Variants in CDH3 observed in about 807,000 individuals in gnomAD.
CDH3 encodes cadherin 3.
In CDH3, 54 loss-of-function variants were observed where a neutral mutation model predicts 82.0. That is an observed-to-expected ratio of 0.66 (90% confidence interval 0.53 to 0.83). The LOEUF is 0.83. Among genes scored for constraint, CDH3 ranks in the 40% least tolerant of loss-of-function variants. CDH3 has a pLI of 0.00. For synonymous variants in CDH3, 446 were observed against 437.9 expected (o/e 1.02, Z -0.23); for missense variants, 1,054 against 1,084.6 (o/e 0.97, Z 0.40).
intron 13 of CDH3, among the ~76,000 whole-genome samples, chr16:68,692,487 G>C (rs1432967810): frequency 2.6e-5 from 4 of 152,200 alleles, no homozygotes; most frequent in African/African-American, 9.7e-5. Flanking sequence ...CAGTGGTTCT[G>C]AAAGGGTGGT....
intron 2 of CDH3, among the ~76,000 whole-genome samples, chr16:68,656,167 A>G (rs1960404997): frequency 1.3e-5 from 2 of 152,122 alleles, no homozygotes. Context: ...CTCACCCCAT[A>G]ACAGAGGCAG....
chr16:68,703,794 A>G (rs1961925284), downstream of CDH3, among the ~76,000 whole-genome samples: 1 of 151,870 alleles, frequency 6.6e-6, no homozygotes, highest in African/African-American at 2.4e-5. Flanking sequence ...TAAAAATTTA[A>G]AAATTAGCTG....
At chr16:68,672,401 ATGGAG>A (rs1960911064) in intron 2 of CDH3, among the ~76,000 whole-genome samples, 1 of 152,168 alleles carries the variant, frequency 6.6e-6, no homozygotes, top group African/African-American at 2.4e-5. Context: ...TAAATAACCT[ATGGAG>A]TAAGTGCCCC....
At chr16:68,728,735 G>A (rs927304857), downstream of CDH3, among the ~76,000 whole-genome samples, 7 of 152,202 alleles carry the variant, frequency 4.6e-5, no homozygotes, top group Admixed American at 2.0e-4. Context: ...ATCATCCACA[G>A]TGCTAAAACC....
intron 13 of CDH3, among the ~76,000 whole-genome samples, chr16:68,692,920 TGTG>T (rs1213774397): frequency 1.3e-5 from 2 of 152,102 alleles, no homozygotes; most frequent in African/African-American, 4.8e-5. Flanking sequence ...CCCTGGCCAA[TGTG>T]GTGAAATCCT....
downstream of CDH3, among the ~76,000 whole-genome samples, chr16:68,702,057 A>G (rs1357854112): frequency 6.6e-6 from 1 of 151,264 alleles, no homozygotes; most frequent in Non-Finnish European, 1.5e-5. Context: ...ATATCTATAG[A>G]TAGGTATATT....
chr16:68,685,912 T>C (rs1961398732), intron 11 of CDH3, among the ~76,000 whole-genome samples: 1 of 152,194 alleles, frequency 6.6e-6, no homozygotes, highest in Admixed American at 6.5e-5. Context: ...AGGCCTGTAA[T>C]GCTAGCACTT....
intron 3 of CDH3, 133 bp from the exon 4 acceptor site, chr16:68,678,001 A>G (rs1597806208): frequency 3.7e-6 from 3 of 819,132 alleles, no homozygotes; most frequent in Non-Finnish European, 4.2e-6. Flanking sequence ...GGCTCAAGTG[A>G]CCCTCCCAAA....
At chr16:68,694,821 T>A (rs1392175483) in intron 13 of CDH3, among the ~76,000 whole-genome samples, 1 of 152,026 alleles carries the variant, frequency 6.6e-6, no homozygotes, top group East Asian at 1.9e-4. Flanking sequence ...TTCTTAAGGA[T>A]CAGTACCACC....
chr16:68,690,138 G>A (rs905026883), intron 12 of CDH3, among the ~76,000 whole-genome samples: 2 of 152,158 alleles, frequency 1.3e-5, no homozygotes, highest in African/African-American at 4.8e-5. Flanking sequence ...CCTGGCTTCT[G>A]CTCTGTGGTT....
At chr16:68,663,058 G>GT (rs1960636757) in intron 2 of CDH3, among the ~76,000 whole-genome samples, 1 of 150,486 alleles carries the variant, frequency 6.6e-6, no homozygotes, top group Non-Finnish European at 1.5e-5. Flanking sequence ...TACAGACGGA[G>GT]TTTCACCATG....
chr16:68,665,330 A>C (rs566450063), intron 2 of CDH3, among the ~76,000 whole-genome samples: 1 of 151,994 alleles, frequency 6.6e-6, no homozygotes, highest in African/African-American at 2.4e-5. Context: ...ATCACTTGAA[A>C]CTGGGAGGTT....
intron 2 of CDH3, among the ~76,000 whole-genome samples, chr16:68,664,185 G>C (rs1960676231): frequency 6.6e-6 from 1 of 152,022 alleles, no homozygotes; most frequent in South Asian, 2.1e-4. Context: ...TATTCCCTGG[G>C]GGAGAATGCT....
intron 1 of CDH3, among the ~76,000 whole-genome samples, chr16:68,712,696 T>TG (rs1244598205): frequency 6.6e-6 from 1 of 151,954 alleles, no homozygotes; most frequent in African/African-American, 2.4e-5. Context: ...TCCTTTTTTT[T>TG]TTTGAGATGG....
intron 1 of CDH3, among the ~76,000 whole-genome samples, chr16:68,709,718 T>C (rs1321392615): frequency 6.6e-6 from 1 of 152,210 alleles, no homozygotes; most frequent in African/African-American, 2.4e-5. Flanking sequence ...GTGCTGGGAT[T>C]ACAGGCGTGA....
intron 13 of CDH3, among the ~76,000 whole-genome samples, chr16:68,694,957 A>G (rs879513840): frequency 1.6e-4 from 24 of 152,098 alleles, no homozygotes; most frequent in Non-Finnish European, 2.2e-4. Flanking sequence ...CCAGGTGAGG[A>G]AGGAGCCTGT....
In CDH3 at chr16:68,676,346, T is replaced by G. The variant is rs1445259885; in HGVS notation, c.161-39T>G. On this transcript the variant is annotated intron_variant, in intron 2 of 15. Coordinates refer to ENST00000264012, the MANE Select transcript of CDH3 (RefSeq NM_001793.6). ...TTTCCTGGGGCAACTTCCAGAATAC[T>G]CCTGCCTTCCTAATGCTCTCTCTTC... The G allele has an allele frequency of 2.0e-6, 3 of 1,464,008 alleles. No individual in the cohort carries two copies. The African/African-American group carries it at 4.2e-5, about 20-fold the overall frequency. 90.7% of individuals were successfully genotyped at this position (1,464,008 alleles called of 1,614,324 possible).
chr16:68,678,601 C>T lies in CDH3; in HGVS notation c.491C>T (p.Thr164Ile). Reference sequence around the variant, plus strand: ...GGTGTCTTCGCTGTAGAGAAGGAGACAGGCTGGTTGTTGTTGAATAAGCCA... The same window carrying T: ...GGTGTCTTCGCTGTAGAGAAGGAGATAGGCTGGTTGTTGTTGAATAAGCCA... ...PEGVFAVEKE[T>I]GWLLLNKPLD... Residue 164 changes from threonine (T) to isoleucine (I), a missense_variant, in exon 5 of 16, where the codon ACA becomes ATA. By Grantham distance (89) the Thr-to-Ile change is moderately conservative. Coordinates refer to ENST00000264012, the MANE Select transcript of CDH3 (RefSeq NM_001793.6). 6.2e-7 allele frequency: 1 copy of T among 1,614,214 alleles called. No individual in the cohort carries two copies. Among genetic ancestry groups the T allele is most frequent in the Non-Finnish European group, 8.5e-7 (1 of 1,180,054 alleles).
Position 68,646,512 on chromosome 16 carries a change from T to C in CDH3, c.160+762T>C, listed in dbSNP as rs148981812. Among the ~76,000 whole-genome samples, 389 of 126,360 alleles carry C rather than the reference T, an allele frequency of 3.1e-3. 1 individual carries two copies. Among genetic ancestry groups the C allele is most frequent in the Non-Finnish European group, 5.0e-3 (287 of 57,342 alleles). 82.9% of individuals were successfully genotyped at this position (126,360 alleles called of 152,430 possible). A position where few individuals can be genotyped will look rare whatever the true frequency, so the allele number is the denominator to read the frequency against. On this transcript the variant is annotated intron_variant, in intron 2 of 15. Transcript: ENST00000264012. ...CCCTCAGTTACTCCTACCCCCCCCC[T>C]CCCCGCCCCAAGTTCAAAAACCTGA...
Sources: allele counts gnomAD v4.1 joint callset (sites outside exome capture counted in the v4.1 genomes callset), GRCh38; gene constraint gnomAD v4.1.1; transcripts MANE v1.5; gene names NCBI Gene and HGNC (gene_info 2026-07-23, HGNC 2026-07-21).